Variants in DAB1 observed in about 807,000 individuals in gnomAD.
The protein encoded by DAB1 is disabled homolog 1.
A neutral mutation model predicts 64.6 loss-of-function variants in DAB1; 15 were observed. That is an observed-to-expected ratio of 0.23 (90% confidence interval 0.16 to 0.36). The LOEUF (loss-of-function observed/expected upper bound fraction) is 0.36. Ranked by LOEUF, DAB1 falls within the 10% of genes least tolerant of loss-of-function variation. The pLI, the probability that DAB1 is intolerant of heterozygous loss-of-function variation, is 1.00. For missense variants in DAB1, 596 were observed against 706.7 expected, an observed-to-expected ratio of 0.84 and a Z score of 1.78; for synonymous variants, 235 against 251.9, an observed-to-expected ratio of 0.93 and a Z score of 0.64.
At chr1:57,994,689 T>G (rs78652288) in intron 5 of DAB1, among the ~76,000 whole-genome samples, 2 of 152,156 alleles carry the variant, frequency 1.3e-5, no homozygotes, top group Non-Finnish European at 2.9e-5. Context: ...GGCTTCAGGA[T>G]AGCATCCAAC....
At chr1:58,212,532 A>G (rs749027062) in intron 4 of DAB1, among the ~76,000 whole-genome samples, 1 of 152,152 alleles carries the variant, frequency 6.6e-6, no homozygotes, top group Non-Finnish European at 1.5e-5. Context: ...TACTTTAGGA[A>G]GATTGCACAA....
chr1:58,213,301 C>A (rs1253814040), intron 4 of DAB1, among the ~76,000 whole-genome samples: 1 of 152,046 alleles, frequency 6.6e-6, no homozygotes, highest in Non-Finnish European at 1.5e-5. Flanking sequence ...GATTTTAAGT[C>A]TTAAGATTAA....
intron 5 of DAB1, among the ~76,000 whole-genome samples, chr1:57,951,147 A>T (rs1422228295): frequency 6.6e-6 from 1 of 151,678 alleles, no homozygotes; most frequent in East Asian, 1.9e-4. Flanking sequence ...TAGGCAGAGC[A>T]TCTATTTTAA....
chr1:57,957,521 A>G, intron 5 of DAB1, among the ~76,000 whole-genome samples: 1 of 152,214 alleles, frequency 6.6e-6, no homozygotes, highest in African/African-American at 2.4e-5. Context: ...TTGGATATAT[A>G]CAGGTCTAGA....
chr1:58,536,737 T>C (rs1646522485), intron 1 of DAB1: 2 of 871,946 alleles, frequency 2.3e-6, no homozygotes, highest in East Asian at 2.4e-5. Context: ...CATTTCCTTA[T>C]GCCCCTAAAG....
chr1:57,610,009 A>G (rs1570671625), intron 7 of DAB1, among the ~76,000 whole-genome samples: 1 of 152,186 alleles, frequency 6.6e-6, no homozygotes, highest in Admixed American at 6.5e-5. Context: ...ATTGCCGGGT[A>G]CTGGACTAGA....
intron 4 of DAB1, among the ~76,000 whole-genome samples, chr1:58,201,751 T>C (rs1658011542): frequency 6.6e-6 from 1 of 152,220 alleles, no homozygotes; most frequent in Non-Finnish European, 1.5e-5. Flanking sequence ...TCTCAATCTT[T>C]AAACATTTTC....
Position 57,290,589 on chromosome 1 carries a change from A to G in DAB1, c.67+375T>C, listed in dbSNP as rs149716855. On this transcript the variant is annotated intron_variant, in intron 2 of 14. Coordinates refer to ENST00000371236, the MANE Select transcript of DAB1 (RefSeq NM_001365792.1). ...GTTGCTGGAGGGATGCATAGAAGGC[A>G]TATGCAGAAAAACTTTGTATATTAT... 1.8e-4 allele frequency among the ~76,000 whole-genome samples: 28 copies of G among 152,336 alleles called. No homozygotes were observed. In the East Asian group the frequency reaches 5.2e-3, roughly 28 times the overall value.
intron 2 of DAB1, among the ~76,000 whole-genome samples, chr1:57,226,908 T>A (rs1320890845): frequency 2.0e-5 from 3 of 151,876 alleles, no homozygotes; most frequent in Non-Finnish European, 4.4e-5. Context: ...CCTGGTGCAG[T>A]GGCTTATGCC....
At chr1:58,513,664 T>C (rs1380755484) in intron 2 of DAB1, among the ~76,000 whole-genome samples, 3 of 152,210 alleles carry the variant, frequency 2.0e-5, no homozygotes, top group African/African-American at 7.2e-5. Context: ...ATCAGAAATA[T>C]CTGGGTTCAA....
chr1:57,904,930 TTA>T (rs1318157352), intron 5 of DAB1, among the ~76,000 whole-genome samples: 6 of 152,102 alleles, frequency 3.9e-5, no homozygotes, highest in Non-Finnish European at 8.8e-5. Context: ...AGAACTGAAT[TTA>T]TGTTTTTAAA....
intron 6 of DAB1, among the ~76,000 whole-genome samples, chr1:57,682,767 A>G (rs757728546): frequency 2.0e-5 from 3 of 152,158 alleles, no homozygotes; most frequent in Admixed American, 1.3e-4. Flanking sequence ...AGTGGAGCGC[A>G]GCCATAGGTG....
chr1:57,280,540 C>T (rs578188084), intron 2 of DAB1, among the ~76,000 whole-genome samples: 57 of 152,326 alleles, frequency 3.7e-4, no homozygotes, highest in African/African-American at 1.3e-3. Flanking sequence ...ATATCAAGGA[C>T]TCAGAGGGCT....
intron 1 of DAB1, among the ~76,000 whole-genome samples, chr1:57,850,737 C>A (rs536001404): frequency 6.6e-6 from 1 of 152,190 alleles, no homozygotes; most frequent in Non-Finnish European, 1.5e-5. Flanking sequence ...CCTGCCTCCC[C>A]CTCTGTATCT....
intron 7 of DAB1, among the ~76,000 whole-genome samples, chr1:57,463,104 C>T (rs1050478080): frequency 2.6e-5 from 4 of 152,136 alleles, no homozygotes; most frequent in Non-Finnish European, 4.4e-5. Context: ...TAAAAAGCAT[C>T]TATTCCCTCT....
chr1:58,530,570 T>C (rs1646419821), intron 1 of DAB1: 1 of 858,642 alleles, frequency 1.2e-6, no homozygotes, highest in Non-Finnish European at 2.0e-6. Flanking sequence ...CCAGAGGCTA[T>C]GATCAATTCA....
chr1:57,506,039 T>G (rs1644339353), intron 7 of DAB1, among the ~76,000 whole-genome samples: 1 of 152,242 alleles, frequency 6.6e-6, no homozygotes, highest in Non-Finnish European at 1.5e-5. Context: ...ATATTTCATT[T>G]TTTCATTCTG....
intron 5 of DAB1, among the ~76,000 whole-genome samples, chr1:57,922,848 A>AAAAAAAAAAAAAAAT (rs1644829000): frequency 6.8e-6 from 1 of 146,402 alleles, no homozygotes; most frequent in African/African-American, 2.6e-5. Flanking sequence ...TCCATCTCAA[A>AAAAAAAAAAAAAAAT]AAAAAAAAAA....
chr1:58,322,221 A>G (rs1662701552), intron 4 of DAB1, among the ~76,000 whole-genome samples: 1 of 152,240 alleles, frequency 6.6e-6, no homozygotes, highest in Non-Finnish European at 1.5e-5. Context: ...AATGGCAACA[A>G]AAGCCAAAAT....
Sources: gnomAD v4.1 joint callset for allele counts (sites outside exome capture counted in the v4.1 genomes callset) on GRCh38, gnomAD v4.1.1 for gene constraint, MANE v1.5 for transcripts, NCBI Gene and HGNC (gene_info 2026-07-23, HGNC 2026-07-21) for gene names.